Variants in TRAF3IP1 observed in about 807,000 individuals in gnomAD.
TRAF3IP1 encodes intraflagellar transport 54, also known as TRAF3-interacting protein 1.
TRAF3IP1 carries 53 observed loss-of-function variants against 89.9 expected under a neutral mutation model. The ratio of observed to expected loss-of-function variants is 0.59; its 90% CI spans 0.47 to 0.74. The LOEUF (loss-of-function observed/expected upper bound fraction) is 0.74, where lower values mean the gene tolerates loss of function less well. Ranked by LOEUF, TRAF3IP1 falls within the 30% of genes least tolerant of loss-of-function variation. TRAF3IP1 has a pLI of 0.00. For synonymous variants in TRAF3IP1, 311 were observed against 322.1 expected, an observed-to-expected ratio of 0.97 and a Z score of 0.37; for missense variants, 806 against 866.1, an observed-to-expected ratio of 0.93 and a Z score of 0.87.
At chr2:238,334,078 G>T (rs762844356) in intron 7 of TRAF3IP1, 43 bp downstream of exon 7, 189 of 1,089,584 alleles carry the variant, frequency 1.7e-4, no homozygotes, top group South Asian at 6.3e-4. Flanking sequence ...ATGGATATTA[G>T]TTTTTTTTTT....
At chr2:238,391,460 G>A (rs758131192) in intron 15 of TRAF3IP1, among the ~76,000 whole-genome samples, 11 of 152,204 alleles carry the variant, frequency 7.2e-5, no homozygotes, top group Admixed American at 3.9e-4. Flanking sequence ...AAATAATCAC[G>A]GCTTGATGCG....
Position 238,398,759 on chromosome 2 carries a change from C to A in TRAF3IP1, c.1916C>A (p.Thr639Lys). 6 of 1,594,772 alleles carry A rather than the reference C, an allele frequency of 3.8e-6. No homozygotes were observed. Among genetic ancestry groups the A allele is most frequent in the Non-Finnish European group, 5.1e-6 (6 of 1,174,724 alleles). The change falls in exon 17 of 17, where the codon ACA (threonine) becomes AAA (lysine). Residue 639 changes from threonine to lysine, a missense_variant. Around this residue, in one of 3 missense-constraint regions of TRAF3IP1, gnomAD observed 70 missense variants for 67.8 expected, o/e 1.03. Transcript: ENST00000373327. ...AEALQQEQRITDCAVEPLKAE... is the reference protein window; with the variant it reads ...AEALQQEQRIKDCAVEPLKAE... ...CTGGTTTTGTTCTCCCTCAGGATCACAGACTGTGCCGTGGAGCCCTTAAAG... is the reference window on the plus strand; with the variant it reads ...CTGGTTTTGTTCTCCCTCAGGATCAAAGACTGTGCCGTGGAGCCCTTAAAG...
At chr2:238,325,399 A>G (rs2106358655) in intron 2 of TRAF3IP1, 25 bp downstream of exon 2, 6 of 1,613,270 alleles carry the variant, frequency 3.7e-6, no homozygotes, top group Non-Finnish European at 5.1e-6. Context: ...GGCTTCTCCT[A>G]TTGACTCCTC....
At chr2:238,327,096 G>T (rs1697875313) in intron 3 of TRAF3IP1, among the ~76,000 whole-genome samples, 1 of 152,228 alleles carries the variant, frequency 6.6e-6, no homozygotes, top group Non-Finnish European at 1.5e-5. Flanking sequence ...TCTCCCTTCA[G>T]ATCCTTCTCT....
chr2:238,369,506 G>A (rs1700017532), intron 15 of TRAF3IP1, among the ~76,000 whole-genome samples: 1 of 152,186 alleles, frequency 6.6e-6, no homozygotes, highest in Non-Finnish European at 1.5e-5. Context: ...GGCCTTGACA[G>A]TTTTGAACAG....
intron 7 of TRAF3IP1, among the ~76,000 whole-genome samples, chr2:238,334,348 T>G (rs1698284195): frequency 6.6e-6 from 1 of 152,260 alleles, no homozygotes; most frequent in South Asian, 2.1e-4. Context: ...ATTTCAGTAG[T>G]TCTGTCCTTT....
At chr2:238,321,385 C>T (rs1364777214) in intron 1 of TRAF3IP1, among the ~76,000 whole-genome samples, 1 of 152,222 alleles carries the variant, frequency 6.6e-6, no homozygotes, top group African/African-American at 2.4e-5. Context: ...AACCCTTCTG[C>T]CCCAAAGTTT....
At chr2:238,363,925 A>T (rs1374429398) in intron 15 of TRAF3IP1, among the ~76,000 whole-genome samples, 2 of 152,202 alleles carry the variant, frequency 1.3e-5, no homozygotes, top group Non-Finnish European at 2.9e-5. Flanking sequence ...GCACCACTGC[A>T]TTCCAGCCTG....
intron 15 of TRAF3IP1, among the ~76,000 whole-genome samples, chr2:238,363,294 A>G (rs1433919390): frequency 6.6e-6 from 1 of 152,088 alleles, no homozygotes; most frequent in Non-Finnish European, 1.5e-5. Flanking sequence ...TTAAACCTAC[A>G]TATATTTCCG....
chr2:238,376,670 A>C (rs1462968357), intron 15 of TRAF3IP1, among the ~76,000 whole-genome samples: 1 of 152,170 alleles, frequency 6.6e-6, no homozygotes. Flanking sequence ...TGTTAGATTT[A>C]TATGTGGGTA....
Position 238,351,532 on chromosome 2 carries a change from GC to G in TRAF3IP1, c.1452-1293del, listed in dbSNP as rs968315089. 8.0e-4 allele frequency among the ~76,000 whole-genome samples: 121 copies of G among 152,138 alleles called. 1 individual carries two copies. Among genetic ancestry groups the G allele is most frequent in the Non-Finnish European group, 2.1e-4 (14 of 68,026 alleles). On this transcript the variant is annotated intron_variant, in intron 12 of 16. Coordinates refer to ENST00000373327, the MANE Select transcript of TRAF3IP1 (RefSeq NM_015650.4). The surrounding 1 kb of genome is among the most constrained non-coding windows in gnomAD (Gnocchi z 5.2). ...GAGCAAGGCGGGACAGAGAGGGCCTGCCGATCACGGCAGGCACAGGGGCGCA... is the reference window on the plus strand; with the variant it reads ...GAGCAAGGCGGGACAGAGAGGGCCTGCGATCACGGCAGGCACAGGGGCGCA...
rs2106358858 is a variant in TRAF3IP1, at chr2:238,377,078, T to C, written c.1690-20381T>C. 2.0e-5 allele frequency among the ~76,000 whole-genome samples: 3 copies of C among 152,324 alleles called. No homozygotes were observed. The South Asian group carries it at 6.2e-4, about 32-fold the overall frequency. On this transcript the variant is annotated intron_variant, in intron 15 of 16. Coordinates refer to ENST00000373327, the MANE Select transcript of TRAF3IP1 (RefSeq NM_015650.4). ...CCCAAGCTCCGCACCATTGTCTGTGTCATCTGAAAGTCCTGATGGCTTCAT... is the reference window on the plus strand; with the variant it reads ...CCCAAGCTCCGCACCATTGTCTGTGCCATCTGAAAGTCCTGATGGCTTCAT...
chr2:238,368,755 C>T (rs1699987601), intron 15 of TRAF3IP1, among the ~76,000 whole-genome samples: 1 of 152,196 alleles, frequency 6.6e-6, no homozygotes, highest in African/African-American at 2.4e-5. Context: ...ACTGCACCCT[C>T]TGCCTCCCAG....
chr2:238,320,871 G>T (rs1191124814), intron 1 of TRAF3IP1, 86 bp downstream of exon 1: 11 of 1,152,138 alleles, frequency 9.5e-6, no homozygotes, highest in Middle Eastern at 3.3e-4. Flanking sequence ...GTGGCGCCGG[G>T]TGCGAGCCGG....
In TRAF3IP1 at chr2:238,351,874, C is replaced by CGT. The variant is rs1216627821; in HGVS notation, c.1452-952_1452-951insTG. 5.5e-5 allele frequency among the ~76,000 whole-genome samples: 8 copies of CGT among 146,018 alleles called. No homozygotes were observed. The highest frequency in any genetic ancestry group is 2.0e-4 in the Admixed American group (3 of 14,990). On this transcript the variant is annotated intron_variant, in intron 12 of 16. Coordinates refer to ENST00000373327, the MANE Select transcript of TRAF3IP1 (RefSeq NM_015650.4). The surrounding 1 kb of genome is among the most constrained non-coding windows in gnomAD (Gnocchi z 5.2). ...GTGTGTGTGTGTGTGTGTGCGCGCG[C>CGT]GCGCGTGTGCGTGCATGTGCTTGTG...
At chr2:238,367,337 G>A (rs895885897) in intron 15 of TRAF3IP1, among the ~76,000 whole-genome samples, 3 of 152,112 alleles carry the variant, frequency 2.0e-5, no homozygotes, top group Non-Finnish European at 4.4e-5. Flanking sequence ...AGTTTCAGAA[G>A]CCTCAGCGCC....
intron 15 of TRAF3IP1, among the ~76,000 whole-genome samples, chr2:238,363,827 G>A (rs1301148017): frequency 6.6e-6 from 1 of 152,130 alleles, no homozygotes; most frequent in Non-Finnish European, 1.5e-5. Flanking sequence ...GGACATGGTG[G>A]TGTGTGCCTG....
chr2:238,328,602 A>T, intron 3 of TRAF3IP1, 84 bp from the exon 4 acceptor site: 1 of 1,476,390 alleles, frequency 6.8e-7, no homozygotes, highest in South Asian at 1.3e-5. Context: ...CTCATGAGCT[A>T]TCTTTGAATG....
chr2:238,335,612 G>A (rs545783749), intron 7 of TRAF3IP1, among the ~76,000 whole-genome samples: 156 of 152,120 alleles, frequency 1.0e-3, no homozygotes, highest in Non-Finnish European at 2.0e-3. Context: ...AATTTAACTG[G>A]ACTTGTGTTA....
Sources: gnomAD v4.1 joint callset for allele counts (sites outside exome capture counted in the v4.1 genomes callset) on GRCh38, gnomAD v4.1.1 for gene constraint, gnomAD v4.1.1 regional missense constraint, Gnocchi (gnomAD v3.1) non-coding constraint, MANE v1.5 for transcripts, NCBI Gene and HGNC (gene_info 2026-07-23, HGNC 2026-07-21) for gene names.